LRRC63: variants seen among roughly 807,000 people sequenced by gnomAD.
LRRC63 encodes the protein leucine-rich repeat-containing protein 63.
In LRRC63, 40 loss-of-function variants were observed where a neutral mutation model predicts 49.5. The ratio of observed to expected loss-of-function variants is 0.81; its 90% CI spans 0.63 to 1.05. The LOEUF (loss-of-function observed/expected upper bound fraction) is 1.05. Ranked by LOEUF, LRRC63 falls within the 50% of genes least tolerant of loss-of-function variation. LRRC63 has a pLI of 0.00. For missense variants in LRRC63, 636 were observed against 663.1 expected, an observed-to-expected ratio of 0.96 and a Z score of 0.45; for synonymous variants, 191 against 221.1, an observed-to-expected ratio of 0.86 and a Z score of 1.21.
At chr13:46,263,408 T>A (rs1174104975) in intron 8 of LRRC63, among the ~76,000 whole-genome samples, 1 of 152,160 alleles carries the variant, frequency 6.6e-6, no homozygotes, top group Non-Finnish European at 1.5e-5. Context: ...ACTCCTAGCC[T>A]CAAGTGATCC....
At chr13:46,244,169 G>A (rs1051744845) in intron 5 of LRRC63, among the ~76,000 whole-genome samples, 4 of 152,104 alleles carry the variant, frequency 2.6e-5, no homozygotes, top group Admixed American at 2.6e-4. Flanking sequence ...TATATTGTGG[G>A]TGTTATAGCT....
At chr13:46,254,940 T>C (rs1162967145) in intron 7 of LRRC63, among the ~76,000 whole-genome samples, 1 of 152,182 alleles carries the variant, frequency 6.6e-6, no homozygotes, top group Non-Finnish European at 1.5e-5. Flanking sequence ...AGTCTGCAAT[T>C]CAAATGTCCA....
At chr13:46,241,644 C>A (rs187811729) in intron 5 of LRRC63, among the ~76,000 whole-genome samples, 4 of 152,108 alleles carry the variant, frequency 2.6e-5, no homozygotes, top group African/African-American at 9.6e-5. Context: ...CAAACAACCC[C>A]ATTAAAAAGT....
intron 2 of LRRC63, among the ~76,000 whole-genome samples, chr13:46,222,008 C>T (rs1486931861): frequency 6.6e-6 from 1 of 152,218 alleles, no homozygotes; most frequent in Middle Eastern, 3.2e-3. Context: ...TCTGCATCCT[C>T]ACTAACATCT....
chr13:46,223,340 G>A (rs1280325410), intron 2 of LRRC63, among the ~76,000 whole-genome samples: 1 of 152,092 alleles, frequency 6.6e-6, no homozygotes, highest in Non-Finnish European at 1.5e-5. Context: ...TCTGTATTCT[G>A]TTCCATTGAG....
intron 6 of LRRC63, among the ~76,000 whole-genome samples, chr13:46,248,312 A>G (rs1289702800): frequency 6.6e-6 from 1 of 152,050 alleles, no homozygotes; most frequent in Non-Finnish European, 1.5e-5. Context: ...AAACAATCCA[A>G]TCAAAAGATA....
intron 9 of LRRC63, chr13:46,270,379 T>A (rs773297205): frequency 2.3e-6 from 2 of 861,396 alleles, no homozygotes; most frequent in East Asian, 4.8e-5. Flanking sequence ...TCTGTAAGAT[T>A]TACTGCTCAG....
At chr13:46,259,540 A>G (rs867695244) in intron 7 of LRRC63, among the ~76,000 whole-genome samples, 7 of 152,328 alleles carry the variant, frequency 4.6e-5, no homozygotes, top group Middle Eastern at 3.4e-3. Context: ...GGAAAGAGAA[A>G]CTATTTGGAA....
At position 46,225,478 on chromosome 13, in the gene LRRC63, C is replaced by T. The variant is rs118011060; in HGVS notation, c.86-2034C>T. Among the ~76,000 whole-genome samples, 598 of 152,168 alleles carry T rather than the reference C, an allele frequency of 3.9e-3. 4 individuals carry two copies. The highest frequency in any genetic ancestry group is 7.6e-3 in the Admixed American group (116 of 15,286). The stretch of plus-strand genomic sequence containing the variant: ...AGCCTGAGAACAGAGACTCTTCCGC[C>T]GGTGGGAGAGGAAATCAAACTAATG... On this transcript the variant is annotated intron_variant, in intron 2 of 9. Transcript: ENST00000595396.
At chr13:46,235,517 A>C (rs913931418) in intron 5 of LRRC63, among the ~76,000 whole-genome samples, 8 of 152,146 alleles carry the variant, frequency 5.3e-5, no homozygotes, top group South Asian at 2.1e-4. Context: ...CAAAACAACA[A>C]AACAAACCCC....
chr13:46,227,649 C>G, exon 3 of LRRC63: 1 of 1,550,302 alleles, frequency 6.5e-7, no homozygotes, highest in Non-Finnish European at 8.7e-7. Context: ...AAATATCTTT[C>G]TTGATCACTG....
chr13:46,271,343 A>G (rs2047755947), intron 9 of LRRC63, among the ~76,000 whole-genome samples: 1 of 152,228 alleles, frequency 6.6e-6, no homozygotes, highest in Non-Finnish European at 1.5e-5. Flanking sequence ...CCAATCTGCT[A>G]TAATGTGACG....
chr13:46,228,020 A>C, exon 3 of LRRC63: 1 of 1,551,162 alleles, frequency 6.4e-7, no homozygotes. Flanking sequence ...ACTTAAGTGC[A>C]ACAGTGCCAA....
exon 10 of LRRC63, chr13:46,276,981 T>G (rs1015414014): frequency 6.5e-6 from 1 of 154,688 alleles, no homozygotes; most frequent in Non-Finnish European, 1.4e-5. Flanking sequence ...AAGACATAAG[T>G]GTCTTCTCAT....
chr13:46,250,875 A>G (rs2047360450), intron 7 of LRRC63, among the ~76,000 whole-genome samples: 2 of 151,858 alleles, frequency 1.3e-5, no homozygotes, highest in South Asian at 4.1e-4. Context: ...TATATATTTG[A>G]TCTGGAGAAA....
chr13:46,263,851 T>C (rs1295653586), intron 8 of LRRC63, among the ~76,000 whole-genome samples: 1 of 152,264 alleles, frequency 6.6e-6, no homozygotes, highest in Non-Finnish European at 1.5e-5. Flanking sequence ...AGACTCACTG[T>C]TTACAGCTGT....
At chr13:46,260,498 T>A (rs2047597064) in intron 7 of LRRC63, among the ~76,000 whole-genome samples, 1 of 152,184 alleles carries the variant, frequency 6.6e-6, no homozygotes, top group South Asian at 2.1e-4. Context: ...GCACTGGATG[T>A]ATAGAAATAT....
chr13:46,240,658 C>CA (rs1295335843), intron 5 of LRRC63, among the ~76,000 whole-genome samples: 1 of 152,092 alleles, frequency 6.6e-6, no homozygotes, highest in South Asian at 2.1e-4. Flanking sequence ...ATCAATGTGC[C>CA]AAAATCACAG....
rs180719529 is a variant in LRRC63 at position 46,226,408 on chromosome 13, C to A, written c.86-1104C>A. On this transcript the variant is annotated intron_variant, in intron 2 of 9. Coordinates refer to ENST00000595396, the Ensembl canonical transcript of LRRC63. ...GAGAATCAGCATCAGTCTTGTACCC[C>A]ATGGAAATGTCAGGAGATACAAGTC... Among the ~76,000 whole-genome samples, 10 of 152,248 alleles carry A rather than the reference C, an allele frequency of 6.6e-5. No individual in the cohort carries two copies. The East Asian group carries it at 1.9e-3, about 29-fold the overall frequency.
Sources: allele counts gnomAD v4.1 joint callset (sites outside exome capture counted in the v4.1 genomes callset), GRCh38; gene constraint gnomAD v4.1.1; transcripts MANE v1.5; gene names NCBI Gene and HGNC (gene_info 2026-07-23, HGNC 2026-07-21).